The following NUP62CL variants were observed in gnomAD, a reference collection of about 807,000 sequenced individuals.
The protein encoded by NUP62CL is nucleoporin 62 C-terminal like.
A neutral mutation model predicts 15.3 loss-of-function variants in NUP62CL; 13 were observed. The ratio of observed to expected loss-of-function variants is 0.85; its 90% CI spans 0.55 to 1.35. NUP62CL has a LOEUF of 1.35. Among genes scored for constraint, NUP62CL ranks in the 40% most tolerant of loss-of-function variants. The probability of loss-of-function intolerance (pLI) is 0.00; values close to 1 mark genes in which losing one functional copy is unlikely to be tolerated. For missense variants in NUP62CL, 123 were observed against 130.6 expected, an observed-to-expected ratio of 0.94 and a Z score of 0.28; for synonymous variants, 54 against 49.2, an observed-to-expected ratio of 1.10 and a Z score of -0.41.
At chrX:107,186,653 C>T (rs1192538977) in intron 2 of NUP62CL, among the ~76,000 whole-genome samples, 1 of 111,484 alleles carries the variant, frequency 9.0e-6, no homozygotes, top group African/African-American at 3.3e-5. Context: ...AATCCTAGCA[C>T]GTTGGGAGCT....
At chrX:107,189,106 C>T in intron 2 of NUP62CL, among the ~76,000 whole-genome samples, 1 of 111,617 alleles carries the variant, frequency 9.0e-6, no homozygotes, top group East Asian at 2.8e-4. Flanking sequence ...ATTAAAACTA[C>T]AATTATGGTA....
intron 4 of NUP62CL, 115 bp from the exon 5 acceptor site, chrX:107,154,361 C>T (rs1926123116): frequency 2.0e-6 from 1 of 499,326 alleles, no homozygotes; most frequent in African/African-American, 2.5e-5. Context: ...AAGGAATTTC[C>T]CATACCTGCT....
chrX:107,148,291 T>G (rs756849751), intron 7 of NUP62CL, among the ~76,000 whole-genome samples: 2 of 111,836 alleles, frequency 1.8e-5, no homozygotes. Context: ...CTTTAAAATA[T>G]TCATACCTTT....
intron 2 of NUP62CL, among the ~76,000 whole-genome samples, chrX:107,184,296 GAAGAAAGAAAGAAAGA>G (rs55729158): frequency 0.045 from 2,897 of 64,985 alleles, 81 homozygotes; most frequent in South Asian, 0.09. Flanking sequence ...CAAAAAAAGA[GAAGAAAGAAAGAAAGA>G]AAGAAAGAAA....
chrX:107,162,033 T>C (rs369782033), intron 4 of NUP62CL, among the ~76,000 whole-genome samples: 2 of 108,617 alleles, frequency 1.8e-5, no homozygotes, highest in East Asian at 5.8e-4. Context: ...AGCAAAGAAA[T>C]AGAAAGTATG....
intron 1 of NUP62CL, among the ~76,000 whole-genome samples, chrX:107,197,564 C>T (rs1299503744): frequency 1.8e-5 from 2 of 109,269 alleles, no homozygotes; most frequent in African/African-American, 6.7e-5. Flanking sequence ...TTGAGCCCAG[C>T]TTACAGTCTC....
intron 2 of NUP62CL, among the ~76,000 whole-genome samples, chrX:107,179,105 A>G (rs1369396809): frequency 3.6e-5 from 4 of 109,774 alleles, no homozygotes; most frequent in Non-Finnish European, 7.6e-5. Context: ...AAAAAAAAAA[A>G]GAAAAGAAAA....
At chrX:107,194,973 T>C (rs1237266742) in intron 1 of NUP62CL, among the ~76,000 whole-genome samples, 1 of 108,934 alleles carries the variant, frequency 9.2e-6, no homozygotes, top group Non-Finnish European at 1.9e-5. Flanking sequence ...TGTGCCACCA[T>C]GCCTGGCTAA....
chrX:107,160,363 C>G (rs1325616509), intron 4 of NUP62CL, among the ~76,000 whole-genome samples: 1 of 106,712 alleles, frequency 9.4e-6, no homozygotes, highest in East Asian at 3.0e-4. Context: ...AGGCATCACA[C>G]TACCTGACTT....
chrX:107,131,474 A>G (rs1170352149), intron 8 of NUP62CL, among the ~76,000 whole-genome samples: 1 of 112,360 alleles, frequency 8.9e-6, no homozygotes, highest in Non-Finnish European at 1.9e-5. Context: ...GAGCTTTATA[A>G]TGGATAGTAA....
intron 8 of NUP62CL, among the ~76,000 whole-genome samples, chrX:107,145,788 T>A (rs151101859): frequency 0.025 from 2,780 of 111,721 alleles, 99 homozygotes; most frequent in African/African-American, 0.085. Flanking sequence ...ATGCCTTTTT[T>A]AATCTAAGAC....
chrX:107,200,030 T>C (rs1927443204), intron 1 of NUP62CL, among the ~76,000 whole-genome samples: 1 of 111,903 alleles, frequency 8.9e-6, no homozygotes, highest in African/African-American at 3.2e-5. Context: ...GAGGTGAAGT[T>C]AGCCCAGGCA....
At position 107,182,229 on chromosome X, in the gene NUP62CL, T is replaced by A. The variant is rs1926935911; in HGVS notation, c.-47-7036A>T. Among the ~76,000 whole-genome samples, 3 of 111,882 alleles carry A rather than the reference T, an allele frequency of 2.7e-5. No homozygotes were observed. The South Asian group carries it at 1.1e-3, about 41-fold the overall frequency. On this transcript the variant is annotated intron_variant, in intron 2 of 8. Coordinates refer to ENST00000372466, the MANE Select transcript of NUP62CL (RefSeq NM_017681.3). ...GAGTTGTTCGACATTACCAAATAAT[T>A]CTTTGCTGTGGGGGACTGAACTATG...
At chrX:107,135,018 G>A (rs1412206021) in intron 8 of NUP62CL, among the ~76,000 whole-genome samples, 2 of 111,631 alleles carry the variant, frequency 1.8e-5, no homozygotes, top group Non-Finnish European at 3.8e-5. Context: ...TGGGATTATA[G>A]GCATGTGCCA....
chrX:107,189,434 A>T (rs1010214983), intron 2 of NUP62CL, among the ~76,000 whole-genome samples: 63 of 110,828 alleles, frequency 5.7e-4, no homozygotes, highest in African/African-American at 1.4e-3. Flanking sequence ...TAATAGTTTT[A>T]AAAAAACTGT....
chrX:107,129,666 A>G (rs987924396), intron 8 of NUP62CL, among the ~76,000 whole-genome samples: 4 of 111,899 alleles, frequency 3.6e-5, no homozygotes, highest in Non-Finnish European at 7.5e-5. Context: ...AAATTATCCT[A>G]TAGTAAGTTA....
intron 3 of NUP62CL, among the ~76,000 whole-genome samples, chrX:107,168,520 C>G (rs1436703161): frequency 8.9e-6 from 1 of 111,894 alleles, no homozygotes; most frequent in Non-Finnish European, 1.9e-5. Flanking sequence ...CTTTGTTCCC[C>G]ATATTTATCA....
chrX:107,179,876 C>T (rs1376909189), intron 2 of NUP62CL, among the ~76,000 whole-genome samples: 1 of 111,880 alleles, frequency 8.9e-6, no homozygotes, highest in Non-Finnish European at 1.9e-5. Flanking sequence ...TATATCAAGG[C>T]TATTTATTTT....
chrX:107,189,892 A>AGAAG (rs1927184027), intron 2 of NUP62CL, among the ~76,000 whole-genome samples: 1 of 92,944 alleles, frequency 1.1e-5, no homozygotes, highest in Non-Finnish European at 2.1e-5. Flanking sequence ...AAAGAAAGAA[A>AGAAG]GAAAGAAAGA....
Sources: allele counts gnomAD v4.1 joint callset (sites outside exome capture counted in the v4.1 genomes callset), GRCh38; gene constraint gnomAD v4.1.1; transcripts MANE v1.5; gene names NCBI Gene and HGNC (gene_info 2026-07-23, HGNC 2026-07-21).